Variants in GRIN2C observed in about 807,000 individuals in gnomAD.
GRIN2C encodes glutamate ionotropic receptor NMDA type subunit 2C.
In GRIN2C, 64 loss-of-function variants were observed where a neutral mutation model predicts 77.7. The observed-to-expected ratio is 0.82, with a 90% CI of 0.67 to 1.01. The LOEUF (loss-of-function observed/expected upper bound fraction) is 1.01, where lower values mean the gene tolerates loss of function less well. Ranked by LOEUF, GRIN2C falls within the 50% of genes least tolerant of loss-of-function variation. The probability of loss-of-function intolerance (pLI) is 0.00; values close to 1 mark genes in which losing one functional copy is unlikely to be tolerated. For synonymous variants in GRIN2C, 792 were observed against 643.4 expected (o/e 1.23, Z -3.49); for missense variants, 1,549 against 1,486.0 (o/e 1.04, Z -0.70).
Position 74,852,479 on chromosome 17 carries a change from A to G in GRIN2C, c.532T>C (p.Phe178Leu), listed in dbSNP as rs2037689117. 6.4e-7 allele frequency: 1 copy of G among 1,563,274 alleles called. No homozygotes were observed. Among genetic ancestry groups the G allele is most frequent in the East Asian group, 2.5e-5 (1 of 40,062 alleles). The change falls in exon 3 of 13, where the codon TTC becomes CTC. Residue 178 changes from phenylalanine to leucine, a missense_variant. Phe to Leu is a conservative substitution (Grantham distance 22). Coordinates refer to ENST00000293190, the MANE Select transcript of GRIN2C (RefSeq NM_000835.6). ...GCGACGGCGCGCACGCCCTCCAGGA[A>G]GAGCGCGTGGCCCGGGTGCAGGCTG... is the stretch of plus-strand genomic sequence containing the variant. The part of the protein sequence containing the change: ...ITSLHPGHAL[F>L]LEGVRAVADA...
chr17:74,843,580 T>C (rs2037369789), intron 12 of GRIN2C, 27 bp from the exon 13 acceptor site: 1 of 1,528,994 alleles, frequency 6.5e-7, no homozygotes, highest in South Asian at 1.2e-5. Flanking sequence ...CGACAGGCCG[T>C]AAGCAGCGCC....
Position 74,850,419 on chromosome 17 carries a change from GC to G in GRIN2C, c.1326-49del. The G allele has an allele frequency of 6.3e-7, 1 of 1,590,262 alleles. No homozygotes were observed. Among genetic ancestry groups the G allele is most frequent in the Non-Finnish European group, 8.6e-7 (1 of 1,169,548 alleles). On this transcript the variant is annotated intron_variant, in intron 5 of 12. Coordinates refer to ENST00000293190, the MANE Select transcript of GRIN2C (RefSeq NM_000835.6). The surrounding 1 kb of genome is among the most constrained non-coding windows in gnomAD (Gnocchi z 5.3). ...CCACCGGGAGTCAGAGTATGTCGTG[GC>G]CCAGCCCCGCCCCAGCCACTCCTCC...
Position 74,855,740 on chromosome 17 carries a change from A to T in GRIN2C, c.-15-633T>A, listed in dbSNP as rs572209655. ...CCTCATAGTCTAAACCGGATCTTCCATCTGTCTCTCACCAGGGCCTGTGCT... is the reference window on the plus strand; with the variant it reads ...CCTCATAGTCTAAACCGGATCTTCCTTCTGTCTCTCACCAGGGCCTGTGCT... On this transcript the variant is annotated intron_variant, in intron 1 of 12. Transcript: ENST00000293190. Among the ~76,000 whole-genome samples the T allele has an allele frequency of 4.3e-5, 6 of 139,624 alleles. No individual in the cohort carries two copies. The East Asian group carries it at 8.3e-4, about 19-fold the overall frequency. 91.6% of individuals were successfully genotyped at this position (139,624 alleles called of 152,430 possible).
In GRIN2C at chr17:74,844,309, T is replaced by A. The variant is rs1285021426; in HGVS notation, c.2550A>T (p.Ser850=). The change falls in exon 12 of 13, where the codon TCA becomes TCT. Residue 850 remains serine (S), a synonymous_variant. Coordinates refer to ENST00000293190, the MANE Select transcript of GRIN2C (RefSeq NM_000835.6). ...YWKLRHSVPN[S]SQLDFLLAFS... is the part of the protein sequence containing the mutation. ...AAGCCAGCAGGAAGTCCAGCTGGGA[T>A]GAGTTGGGCACCGAGTGGCGCAGCT... 1 of 1,613,992 alleles carries A rather than the reference T, an allele frequency of 6.2e-7. No homozygotes were observed. Among genetic ancestry groups the A allele is most frequent in the South Asian group, 1.1e-5 (1 of 91,086 alleles).
chr17:74,851,003 G>C lies in GRIN2C; in HGVS notation c.1114-236C>G, dbSNP rs765073733. ...CTGACCCTGTCTCACTCACTGTACTGGTCCCCCCTGACTTTGACAGAACGT... is the reference window on the plus strand; with the variant it reads ...CTGACCCTGTCTCACTCACTGTACTCGTCCCCCCTGACTTTGACAGAACGT... On this transcript the variant is annotated intron_variant, in intron 4 of 12. Coordinates refer to ENST00000293190, the MANE Select transcript of GRIN2C (RefSeq NM_000835.6). 3 of 582,346 alleles carry C rather than the reference G, an allele frequency of 5.2e-6. No individual in the cohort carries two copies. In the East Asian group the frequency reaches 8.5e-5, roughly 17 times the overall value. 36.1% of individuals were successfully genotyped at this position (582,346 alleles called of 1,614,324 possible). A position where few individuals can be genotyped will look rare whatever the true frequency, so the allele number is the denominator to read the frequency against.
chr17:74,846,192 C>T lies in GRIN2C; in HGVS notation c.2224G>A (p.Gly742Ser). The change falls in exon 11 of 13, where the codon GGC becomes AGC. Residue 742 changes from glycine (G) to serine (S), a missense_variant. By Grantham distance (56) the Gly-to-Ser change is moderately conservative. This residue lies in a region of GRIN2C where 717 missense variants were observed against 858.1 expected (regional missense o/e 0.84). Transcript: ENST00000293190. The surrounding 1 kb of genome is among the most constrained non-coding windows in gnomAD (Gnocchi z 4.4). ...GACCCAATGGTGACCAGCTTGCAGC[C>T]CTCGTCCTTGCCTGCCATGTAGTTG... Reference protein sequence around the residue: ...VLNYMAGKDEGCKLVTIGSGK... With the variant: ...VLNYMAGKDESCKLVTIGSGK... The T allele has an allele frequency of 6.2e-7, 1 of 1,614,180 alleles. No individual in the cohort carries two copies. The highest frequency in any genetic ancestry group is 8.5e-7 in the Non-Finnish European group (1 of 1,180,016).
In GRIN2C at chr17:74,847,533, G is replaced by A. The variant is rs989427638; in HGVS notation, c.1776C>T (p.Ser592=). 14 of 1,607,156 alleles carry A rather than the reference G, an allele frequency of 8.7e-6. No homozygotes were observed. Among genetic ancestry groups the A allele is most frequent in the South Asian group, 4.4e-5 (4 of 90,936 alleles). Residue 592 remains serine, a synonymous_variant, in exon 9 of 13, where the codon TCC becomes TCT. Coordinates refer to ENST00000293190, the MANE Select transcript of GRIN2C (RefSeq NM_000835.6). The surrounding 1 kb of genome is among the most constrained non-coding windows in gnomAD (Gnocchi z 5.2). ...YNQNLTRGKK[S]GGPAFTIGKS... ...TGCCGATAGTGAAAGCTGGGCCCCCGGACTCTGGGGGCAAGAGGCGGGGGG... is the reference window on the plus strand; with the variant it reads ...TGCCGATAGTGAAAGCTGGGCCCCCAGACTCTGGGGGCAAGAGGCGGGGGG...
Position 74,846,024 on chromosome 17 carries a change from T to A in GRIN2C, c.2350+42A>T. The stretch of plus-strand genomic sequence containing the variant: ...GGTGGAAATGCTGACAACCTTGGGC[T>A]CCACAGCCCACCCTGGGCATCCCAG... On this transcript the variant is annotated intron_variant, in intron 11 of 12. Coordinates refer to ENST00000293190, the MANE Select transcript of GRIN2C (RefSeq NM_000835.6). This position sits in a 1 kb window ranked among gnomAD's most constrained non-coding sequence, Gnocchi z 4.4. The A allele has an allele frequency of 6.3e-7, 1 of 1,581,032 alleles. No homozygotes were observed. The highest frequency in any genetic ancestry group is 8.7e-7 in the Non-Finnish European group (1 of 1,151,382).
chr17:74,856,342 C>T (rs1030744200), intron 1 of GRIN2C, among the ~76,000 whole-genome samples: 4 of 152,172 alleles, frequency 2.6e-5, no homozygotes, highest in Non-Finnish European at 5.9e-5. Flanking sequence ...GAAATGCTCA[C>T]GAAAATCAAG....
rs754645454 is a variant in GRIN2C, at chr17:74,854,602, C to G, written c.399+92G>C. 8.6e-6 allele frequency: 9 copies of G among 1,046,560 alleles called. No homozygotes were observed. In the Admixed American group the frequency reaches 1.6e-4, roughly 19 times the overall value. 64.8% of individuals were successfully genotyped at this position (1,046,560 alleles called of 1,614,324 possible). On this transcript the variant is annotated intron_variant, in intron 2 of 12. Transcript: ENST00000293190. ...TCAGCCCCCACCTCCCTGCCCATCC[C>G]GTCTAATCCCAGCTTCCCAGAACCA...
intron 2 of GRIN2C, 181 bp downstream of exon 2, chr17:74,854,513 A>C (rs1244289422): frequency 8.5e-6 from 5 of 589,304 alleles, no homozygotes; most frequent in South Asian, 2.3e-5. Flanking sequence ...AGCCCAGAAT[A>C]TCTCTCCTCT....
Position 74,850,367 on chromosome 17 carries a change from C to G in GRIN2C, c.1330G>C (p.Gly444Arg), listed in dbSNP as rs757807708. 2.1e-5 allele frequency: 34 copies of G among 1,610,900 alleles called. No homozygotes were observed. The highest frequency in any genetic ancestry group is 2.7e-5 in the Non-Finnish European group (32 of 1,179,926). ...RRQSNHTFSSGDVAPYTKLCC... is the reference protein window; with the variant it reads ...RRQSNHTFSSRDVAPYTKLCC... ...AGCTTGGTGTAGGGGGCCACGTCCC[C>G]GCTGCTGCAGCCATGCCGCCATGAG... The change falls in exon 6 of 13, where the codon GGG (glycine) becomes CGG (arginine). Residue 444 changes from glycine to arginine, a missense_variant. By Grantham distance (125) the Gly-to-Arg change is moderately radical (BLOSUM62 -2). Transcript: ENST00000293190. The surrounding 1 kb of genome is among the most constrained non-coding windows in gnomAD (Gnocchi z 5.3).
chr17:74,848,777 C>T (rs373423663), intron 7 of GRIN2C, among the ~76,000 whole-genome samples: 11 of 152,172 alleles, frequency 7.2e-5, no homozygotes, highest in East Asian at 1.9e-4. Flanking sequence ...GCATTTTGGG[C>T]GGCTGAGGCA....
chr17:74,858,654 C>T (rs2037882666), intron 1 of GRIN2C, among the ~76,000 whole-genome samples: 1 of 144,416 alleles, frequency 6.9e-6, no homozygotes, highest in South Asian at 2.3e-4. Flanking sequence ...CTGCTGAAGC[C>T]TTCCTCCAGC....
Position 74,842,126 on chromosome 17 carries a change from C to G in GRIN2C, c.*309G>C, listed in dbSNP as rs1245790554. ...CCCTGCCTCAACCACAAGTTCCAGC[C>G]TCCATGCCCACAGCAGCCATGACCA... On this transcript the variant is annotated 3_prime_UTR_variant, in exon 13 of 13. Coordinates refer to ENST00000293190, the MANE Select transcript of GRIN2C (RefSeq NM_000835.6). 5.7e-6 allele frequency: 2 copies of G among 353,244 alleles called. No homozygotes were observed. The highest frequency in any genetic ancestry group is 7.6e-5 in the South Asian group (2 of 26,372). The allele number at this position is 353,244 out of a possible 1,614,324, so 21.9% of individuals were successfully genotyped here. A position where few individuals can be genotyped will look rare whatever the true frequency, so the allele number is the denominator to read the frequency against.
At chr17:74,860,574 C>G (rs1278282710), upstream of GRIN2C, 6 of 446,208 alleles carry the variant, frequency 1.3e-5, no homozygotes, top group South Asian at 1.6e-5. Flanking sequence ...CCCCTCCCCG[C>G]CGTCGGGGAT....
chr17:74,849,017 C>CAA lies in GRIN2C; in HGVS notation c.1645+761_1645+762dup, dbSNP rs60336063. 2.5e-5 allele frequency among the ~76,000 whole-genome samples: 2 copies of CAA among 80,802 alleles called. No individual in the cohort carries two copies. Among genetic ancestry groups the CAA allele is most frequent in the East Asian group, 4.3e-4 (1 of 2,320 alleles). 53.0% of individuals were successfully genotyped at this position (80,802 alleles called of 152,430 possible). On this transcript the variant is annotated intron_variant, in intron 7 of 12. Transcript: ENST00000293190. This position sits in a 1 kb window ranked among gnomAD's most constrained non-coding sequence, Gnocchi z 4.6. ...TGGGTGACAGAGGAACACCCTGTCT[C>CAA]AAAAAAAAAAAGGAAGGAAAGAAGA...
chr17:74,851,550 G>A (rs1382139215), intron 4 of GRIN2C, 27 bp downstream of exon 4: 10 of 1,353,052 alleles, frequency 7.4e-6, no homozygotes, highest in Admixed American at 4.0e-5. Context: ...AGGACACTGA[G>A]GGCCCCTGGG....
chr17:74,849,803 G>C lies in GRIN2C; in HGVS notation c.1622C>G (p.Thr541Ser), dbSNP rs754972221. Residue 541 changes from threonine to serine, a missense_variant, in exon 7 of 13, where the codon ACC (threonine) becomes AGC (serine). Physicochemically the swap from Thr to Ser is moderately conservative, Grantham distance 58. Transcript: ENST00000293190. This position sits in a 1 kb window ranked among gnomAD's most constrained non-coding sequence, Gnocchi z 4.6. ...ACCCAAGAAGGCCGAGGGGGAGACGGTGCCATTGCTGCGAGCCACCATCAC... is the reference window on the plus strand; with the variant it reads ...ACCCAAGAAGGCCGAGGGGGAGACGCTGCCATTGCTGCGAGCCACCATCAC... The part of the protein sequence containing the change: ...ISVMVARSNG[T>S]VSPSAFLEPY... 6.2e-7 allele frequency: 1 copy of C among 1,612,714 alleles called. No homozygotes were observed. The highest frequency in any genetic ancestry group is 8.5e-7 in the Non-Finnish European group (1 of 1,179,600).
Sources: allele counts gnomAD v4.1 joint callset (sites outside exome capture counted in the v4.1 genomes callset), GRCh38; gene constraint gnomAD v4.1.1; regional missense constraint gnomAD v4.1.1; non-coding constraint Gnocchi (gnomAD v3.1); transcripts MANE v1.5; gene names NCBI Gene and HGNC (gene_info 2026-07-23, HGNC 2026-07-21).